SAMD12: variants seen among roughly 807,000 people sequenced by gnomAD.
The protein encoded by SAMD12 is sterile alpha motif domain containing 12.
SAMD12 carries 9 observed loss-of-function variants against 15.0 expected under a neutral mutation model. The observed-to-expected ratio is 0.60, with a 90% confidence interval of 0.36 to 1.05. The LOEUF (loss-of-function observed/expected upper bound fraction) is 1.05, where lower values mean the gene tolerates loss of function less well. SAMD12 is among the 50% of genes least tolerant of loss of function. The probability of loss-of-function intolerance (pLI) is 0.01; values close to 1 mark genes in which losing one functional copy is unlikely to be tolerated. For synonymous variants in SAMD12, 86 were observed against 90.1 expected (o/e 0.96, Z 0.25); for missense variants, 230 against 234.2 (o/e 0.98, Z 0.12).
intron 2 of SAMD12, among the ~76,000 whole-genome samples, chr8:118,471,404 A>C (rs1823789858): frequency 1.3e-5 from 2 of 152,220 alleles, no homozygotes; most frequent in Non-Finnish European, 2.9e-5. Flanking sequence ...CGTGTACTCC[A>C]TTGCAAAAAT....
Position 118,580,869 on chromosome 8 carries a change from C to T in SAMD12, c.38G>A (p.Arg13Gln), listed in dbSNP as rs145316106. 48 of 1,611,770 alleles carry T rather than the reference C, an allele frequency of 3.0e-5. No individual in the cohort carries two copies. Among genetic ancestry groups the T allele is most frequent in the South Asian group, 1.2e-4 (11 of 90,724 alleles). The part of the protein sequence containing the change: ...VEALHCGLNP[R>Q]GIDHPAHAEG... ...AGCATGGGCAGGGTGATCAATACCC[C>T]GTGGATTCAAACCACAGTGGAGAGC... Residue 13 changes from arginine (R) to glutamine (Q), a missense_variant, in exon 2 of 4, where the codon CGG (arginine) becomes CAG (glutamine). By Grantham distance (43) the Arg-to-Gln change is conservative (BLOSUM62 1). Coordinates refer to ENST00000314727, the MANE Select transcript of SAMD12 (RefSeq NM_207506.3).
rs552435581 is a variant in SAMD12, at chr8:118,453,182, G to T, written c.193-13221C>A. Among the ~76,000 whole-genome samples the T allele has an allele frequency of 5.3e-5, 8 of 152,158 alleles. No individual in the cohort carries two copies. The South Asian group carries it at 1.7e-3, about 32-fold the overall frequency. On this transcript the variant is annotated intron_variant, in intron 2 of 3. Transcript: ENST00000314727. Reference sequence around the variant, plus strand: ...TATTACTTTTATTATATATTGTCAAGGTTAACAGCAATATTTTCTATTCTA... The same window carrying T: ...TATTACTTTTATTATATATTGTCAATGTTAACAGCAATATTTTCTATTCTA...
chr8:118,350,381 T>C (rs1191307628), intron 4 of SAMD12, among the ~76,000 whole-genome samples: 1 of 152,188 alleles, frequency 6.6e-6, no homozygotes, highest in Non-Finnish European at 1.5e-5. Flanking sequence ...TTGATAGCAA[T>C]GTTAACTAAA....
downstream of SAMD12, among the ~76,000 whole-genome samples, chr8:118,185,796 C>T (rs368618320): frequency 3.9e-5 from 6 of 152,296 alleles, no homozygotes; most frequent in African/African-American, 1.4e-4. Flanking sequence ...CGGGGTTGAA[C>T]ATGTAGTAGC....
At chr8:118,509,466 A>G (rs144439179) in intron 2 of SAMD12, among the ~76,000 whole-genome samples, 63 of 152,274 alleles carry the variant, frequency 4.1e-4, no homozygotes, top group African/African-American at 1.3e-3. Context: ...AACAGAAATT[A>G]TATGTGTCTT....
At chr8:118,347,849 A>G (rs1025596971) in intron 4 of SAMD12, among the ~76,000 whole-genome samples, 1 of 152,178 alleles carries the variant, frequency 6.6e-6, no homozygotes, top group Non-Finnish European at 1.5e-5. Flanking sequence ...AGAATAACTT[A>G]TCTAATAAGA....
At chr8:118,254,692 C>T (rs576417228) in intron 4 of SAMD12, among the ~76,000 whole-genome samples, 5 of 152,120 alleles carry the variant, frequency 3.3e-5, no homozygotes, top group South Asian at 4.2e-4. Flanking sequence ...TCTAACACTC[C>T]GGGGCCCACT....
intron 2 of SAMD12, among the ~76,000 whole-genome samples, chr8:118,517,614 G>A (rs1480112894): frequency 6.6e-6 from 1 of 152,192 alleles, no homozygotes; most frequent in African/African-American, 2.4e-5. Flanking sequence ...GGCCCATGCA[G>A]TCTGCTGGTG....
At chr8:118,486,361 A>G (rs1011191928) in intron 2 of SAMD12, among the ~76,000 whole-genome samples, 2 of 151,890 alleles carry the variant, frequency 1.3e-5, no homozygotes, top group Non-Finnish European at 2.9e-5. Flanking sequence ...GCTTGCAGTG[A>G]GCCGAGATTG....
At chr8:118,470,008 T>C (rs1424596896) in intron 2 of SAMD12, among the ~76,000 whole-genome samples, 1 of 152,130 alleles carries the variant, frequency 6.6e-6, no homozygotes, top group African/African-American at 2.4e-5. Flanking sequence ...CACATACATA[T>C]ATATGTATAT....
intron 2 of SAMD12, among the ~76,000 whole-genome samples, chr8:118,485,695 C>T (rs1331214570): frequency 6.6e-6 from 1 of 152,024 alleles, no homozygotes; most frequent in Non-Finnish European, 1.5e-5. Flanking sequence ...TTTCTGATTT[C>T]AGTAATATGG....
intron 4 of SAMD12, among the ~76,000 whole-genome samples, chr8:118,226,893 G>A (rs940755834): frequency 6.6e-6 from 1 of 152,146 alleles, no homozygotes; most frequent in African/African-American, 2.4e-5. Context: ...GGAACAGTGA[G>A]AGGGTGTATA....
intron 3 of SAMD12, among the ~76,000 whole-genome samples, chr8:118,399,921 T>C (rs1380034587): frequency 6.6e-6 from 1 of 152,204 alleles, no homozygotes; most frequent in Non-Finnish European, 1.5e-5. Flanking sequence ...TTAGTAGGTG[T>C]GTGTGTGAGA....
chr8:118,176,883 C>T, the SAMD12 span, among the ~76,000 whole-genome samples: 13 of 152,174 alleles, frequency 8.5e-5, no homozygotes, highest in Admixed American at 3.9e-4. Flanking sequence ...TCAGTTTTCC[C>T]GTAAATGTCC....
At chr8:118,517,981 C>T (rs56078225) in intron 2 of SAMD12, among the ~76,000 whole-genome samples, 28,505 of 152,106 alleles carry the variant, frequency 0.19, 2,826 homozygotes, top group South Asian at 0.39. Flanking sequence ...GCAAATAAGA[C>T]ATCCAACAGC....
At chr8:118,530,390 G>T (rs557563276) in intron 2 of SAMD12, among the ~76,000 whole-genome samples, 98 of 152,186 alleles carry the variant, frequency 6.4e-4, no homozygotes, top group African/African-American at 2.2e-3. Context: ...CCTCAAGTCG[G>T]CCCCAGTGTC....
intron 2 of SAMD12, among the ~76,000 whole-genome samples, chr8:118,567,455 AC>A (rs1826882348): frequency 6.6e-6 from 1 of 152,160 alleles, no homozygotes. Flanking sequence ...TCTATTCAGT[AC>A]AACATGAGAA....
intron 4 of SAMD12, among the ~76,000 whole-genome samples, chr8:118,270,161 G>C (rs924522418): frequency 6.6e-6 from 1 of 152,234 alleles, no homozygotes; most frequent in South Asian, 2.1e-4. Context: ...ATGGATTTGA[G>C]GTTTCTTGCA....
chr8:118,172,655 G>A, the SAMD12 span, among the ~76,000 whole-genome samples: 1 of 152,188 alleles, frequency 6.6e-6, no homozygotes, highest in African/African-American at 2.4e-5. Context: ...ACAACTTGAT[G>A]AGCTTGAACA....
Sources: gnomAD v4.1 joint callset for allele counts (sites outside exome capture counted in the v4.1 genomes callset) on GRCh38, gnomAD v4.1.1 for gene constraint, MANE v1.5 for transcripts, NCBI Gene and HGNC (gene_info 2026-07-23, HGNC 2026-07-21) for gene names.